Variants in EYS observed in about 807,000 individuals in gnomAD.
EYS encodes the protein EGF-like photoreceptor maintenance factor.
Under a neutral mutation model 282.1 loss-of-function variants are expected in EYS, and 250 were observed. The observed-to-expected ratio is 0.89, with a 90% CI of 0.80 to 0.98. The LOEUF (loss-of-function observed/expected upper bound fraction) is 0.98. EYS is among the 50% of genes least tolerant of loss of function. EYS has a pLI of 0.00. For synonymous variants in EYS, 1,355 were observed against 1,282.9 expected (o/e 1.06, Z -1.20); for missense variants, 4,016 against 3,709.0 (o/e 1.08, Z -2.15).
chr6:65,490,104 T>C (rs1562217775), intron 5 of EYS: 1 of 153,506 alleles, frequency 6.5e-6, no homozygotes, highest in Non-Finnish European at 1.5e-5. Context: ...CCTTCACATG[T>C]AACCCAGAAC....
chr6:63,905,641 T>A (rs556116489), intron 35 of EYS, among the ~76,000 whole-genome samples: 30 of 152,262 alleles, frequency 2.0e-4, no homozygotes, highest in African/African-American at 7.0e-4. Flanking sequence ...AATAAGGGGA[T>A]TTCAGGAGTA....
intron 2 of EYS, among the ~76,000 whole-genome samples, chr6:65,558,226 C>T (rs1768894802): frequency 6.6e-6 from 1 of 152,246 alleles, no homozygotes; most frequent in Non-Finnish European, 1.5e-5. Flanking sequence ...ACCAAGCTGA[C>T]CTCAGACACC....
At chr6:64,070,690 C>T (rs554071185) in intron 32 of EYS, among the ~76,000 whole-genome samples, 2 of 152,024 alleles carry the variant, frequency 1.3e-5, no homozygotes, top group African/African-American at 4.8e-5. Context: ...TGTGTACTTC[C>T]AATGTTACAG....
intron 22 of EYS, among the ~76,000 whole-genome samples, chr6:64,811,940 A>C (rs1182845644): frequency 6.6e-6 from 1 of 152,134 alleles, no homozygotes; most frequent in Non-Finnish European, 1.5e-5. Flanking sequence ...TTTTAGGTTT[A>C]TGTTTACTTA....
rs150683374 is a variant in EYS at position 65,025,944 on chromosome 6, A to G, written c.2138-28241T>C. 4.6e-3 allele frequency among the ~76,000 whole-genome samples: 697 copies of G among 152,302 alleles called. 5 individuals are homozygous for G. Among genetic ancestry groups the G allele is most frequent in the African/African-American group, 0.016 (645 of 41,558 alleles). ...CAGTGAGTCACTCATACAAGAGCTT[A>G]TTTTAAAACTCAGTCCATAAATACA... On this transcript the variant is annotated intron_variant, in intron 13 of 42. Transcript: ENST00000503581.
chr6:65,016,475 G>A (rs1413232281), intron 13 of EYS, among the ~76,000 whole-genome samples: 3 of 85,562 alleles, frequency 3.5e-5, no homozygotes, highest in South Asian at 3.3e-4. Flanking sequence ...AAAATCTGCT[G>A]TTTAAAATGT....
At chr6:65,383,769 G>T (rs1200930962) in intron 8 of EYS, among the ~76,000 whole-genome samples, 2 of 151,706 alleles carry the variant, frequency 1.3e-5, no homozygotes, top group Non-Finnish European at 2.9e-5. Context: ...TATAGCTATT[G>T]TCTATTCATT....
At chr6:65,696,115 C>A (rs1261135342) in intron 1 of EYS, among the ~76,000 whole-genome samples, 3 of 151,924 alleles carry the variant, frequency 2.0e-5, no homozygotes, top group Non-Finnish European at 2.9e-5. Context: ...CCTCTGCCTG[C>A]AGTAGTGTAT....
chr6:65,420,395 T>C (rs905774304), intron 5 of EYS, among the ~76,000 whole-genome samples: 11 of 147,704 alleles, frequency 7.4e-5, no homozygotes, highest in East Asian at 3.9e-4. Context: ...ATTAAAGTTG[T>C]ATCACGAAAT....
chr6:63,812,931 T>C (rs1209813876), intron 36 of EYS, among the ~76,000 whole-genome samples: 1 of 152,200 alleles, frequency 6.6e-6, no homozygotes, highest in Non-Finnish European at 1.5e-5. Context: ...ATATAATACA[T>C]ACTGAAAATC....
chr6:65,064,520 T>C (rs912737149), intron 12 of EYS, among the ~76,000 whole-genome samples: 1 of 144,532 alleles, frequency 6.9e-6, no homozygotes, highest in Non-Finnish European at 1.5e-5. Flanking sequence ...ATATATGTAC[T>C]ATATACTAAT....
chr6:65,437,257 A>T (rs1391637338), intron 5 of EYS, among the ~76,000 whole-genome samples: 1 of 152,172 alleles, frequency 6.6e-6, no homozygotes, highest in African/African-American at 2.4e-5. Flanking sequence ...GGGTGTGCTC[A>T]GTGTCAAAAA....
chr6:64,213,994 C>T (rs1053093032), intron 31 of EYS, among the ~76,000 whole-genome samples: 15 of 152,094 alleles, frequency 9.9e-5, no homozygotes, highest in African/African-American at 4.8e-5. Flanking sequence ...CAAGTGATTA[C>T]ACAGAAATCT....
At chr6:65,338,711 T>C (rs930334231) in intron 10 of EYS, among the ~76,000 whole-genome samples, 1 of 151,092 alleles carries the variant, frequency 6.6e-6, no homozygotes, top group Admixed American at 6.6e-5. Flanking sequence ...AAATCATGAT[T>C]TTGGGCAGTG....
rs1186708771 is a variant in EYS at position 63,721,621 on chromosome 6, C to T, written c.8410G>A (p.Val2804Ile). ...EGYLDLDGIN[V>I]TEKASTKMSS... The stretch of plus-strand genomic sequence containing the variant: ...ATTTTAGTGGAGGCCTTTTCTGTTA[C>T]ATTTATCCCATCTAGATCCAGGTAG... Residue 2804 changes from valine (V) to isoleucine (I), a missense_variant, in exon 43 of 43, where the codon GTA becomes ATA. Val to Ile is a conservative substitution (Grantham distance 29). Transcript: ENST00000503581. The T allele has an allele frequency of 5.8e-6, 9 of 1,551,134 alleles. No homozygotes were observed. The African/African-American group carries it at 8.2e-5, about 14-fold the overall frequency.
At chr6:63,783,217 G>A (rs1046865746) in intron 39 of EYS, among the ~76,000 whole-genome samples, 3 of 152,200 alleles carry the variant, frequency 2.0e-5, no homozygotes, top group Non-Finnish European at 2.9e-5. Flanking sequence ...ATATCAATGA[G>A]CAGTAGTTGC....
At chr6:64,291,157 T>C (rs1455916281) in intron 30 of EYS, among the ~76,000 whole-genome samples, 1 of 151,730 alleles carries the variant, frequency 6.6e-6, no homozygotes, top group African/African-American at 2.4e-5. Flanking sequence ...CAAAAGCAGA[T>C]ATTGAAAATA....
intron 26 of EYS, among the ~76,000 whole-genome samples, 171 bp from the exon 27 acceptor site, chr6:64,439,523 AT>A (rs1224485409): frequency 6.6e-6 from 1 of 151,638 alleles, no homozygotes; most frequent in Non-Finnish European, 1.5e-5. Context: ...TTTTCTCATG[AT>A]TTCTTTGTAT....
At chr6:63,840,896 T>C (rs1189259054) in intron 36 of EYS, among the ~76,000 whole-genome samples, 1 of 152,192 alleles carries the variant, frequency 6.6e-6, no homozygotes, top group Non-Finnish European at 1.5e-5. Flanking sequence ...CATTAGTCAA[T>C]GTGTCTGTTT....
Sources: allele counts gnomAD v4.1 joint callset (sites outside exome capture counted in the v4.1 genomes callset), GRCh38; gene constraint gnomAD v4.1.1; transcripts MANE v1.5; gene names NCBI Gene and HGNC (gene_info 2026-07-23, HGNC 2026-07-21).